Variants in ZNF608 observed in about 807,000 individuals in gnomAD.
ZNF608 encodes the protein renal carcinoma antigen NY-REN-36.
A neutral mutation model predicts 109.0 loss-of-function variants in ZNF608; 12 were observed. The observed-to-expected ratio is 0.11, with a 90% CI of 0.07 to 0.18. The LOEUF (loss-of-function observed/expected upper bound fraction) is 0.18. Ranked by LOEUF, ZNF608 falls within the 10% of genes least tolerant of loss-of-function variation. The pLI, the probability that ZNF608 is intolerant of heterozygous loss-of-function variation, is 1.00. For missense variants in ZNF608, 1,707 were observed against 1,879.3 expected, an observed-to-expected ratio of 0.91 and a Z score of 1.70; for synonymous variants, 732 against 717.4, an observed-to-expected ratio of 1.02 and a Z score of -0.33.
chr5:124,653,920 TGTGC>T (rs1314258205), intron 3 of ZNF608, among the ~76,000 whole-genome samples: 3 of 152,202 alleles, frequency 2.0e-5, no homozygotes, highest in Non-Finnish European at 4.4e-5. Context: ...CAGGACTTTG[TGTGC>T]GTGTGTGTGT....
intron 2 of ZNF608, among the ~76,000 whole-genome samples, chr5:124,722,670 A>T (rs1753980744): frequency 1.3e-5 from 2 of 151,910 alleles, no homozygotes; most frequent in South Asian, 4.2e-4. Flanking sequence ...GAGAAAGGGC[A>T]GGGAGGTGGG....
intron 2 of ZNF608, among the ~76,000 whole-genome samples, chr5:124,721,779 A>G (rs1191772854): frequency 2.0e-5 from 3 of 151,474 alleles, no homozygotes; most frequent in African/African-American, 7.3e-5. Flanking sequence ...CTACTTTAAA[A>G]ATACAAAAAT....
rs1750520733 is a variant in ZNF608 at position 124,646,658 on chromosome 5, G to C, written c.3705+21C>G. 3 of 1,598,430 alleles carry C rather than the reference G, an allele frequency of 1.9e-6. No individual in the cohort carries two copies. The East Asian group carries it at 6.7e-5, about 36-fold the overall frequency. On this transcript the variant is annotated intron_variant, in intron 5 of 9. Transcript: ENST00000513986. ...TCTCAGACTGCTCTCTCCCTGTTGG[G>C]GCCACGCTCCACAATCTTACTTGTT...
chr5:124,689,496 GAA>G (rs1752530113), intron 3 of ZNF608, among the ~76,000 whole-genome samples: 1 of 148,784 alleles, frequency 6.7e-6, no homozygotes, highest in African/African-American at 2.5e-5. Context: ...GACAGAGAGA[GAA>G]AGAACTGAAG....
At position 124,675,445 on chromosome 5, in the gene ZNF608, CA is replaced by C. The variant is rs141574742; in HGVS notation, c.1162+25568del. Among the ~76,000 whole-genome samples, 24 of 152,346 alleles carry C rather than the reference CA, an allele frequency of 1.6e-4. No homozygotes were observed. The East Asian group carries it at 4.2e-3, about 27-fold the overall frequency. Reference sequence around the variant, plus strand: ...ATTTACAAAAAACACTTTCAATCCACATTCCCTTCACAAACATTTAGGCTAG... The same window carrying C: ...ATTTACAAAAAACACTTTCAATCCACTTCCCTTCACAAACATTTAGGCTAG... On this transcript the variant is annotated intron_variant, in intron 3 of 9. Transcript: ENST00000513986.
intron 3 of ZNF608, among the ~76,000 whole-genome samples, chr5:124,662,393 G>A (rs907553761): frequency 6.6e-6 from 1 of 152,182 alleles, no homozygotes; most frequent in Non-Finnish European, 1.5e-5. Flanking sequence ...CTGACCCCAG[G>A]TGGCACATCA....
intron 8 of ZNF608, among the ~76,000 whole-genome samples, chr5:124,640,034 C>CT (rs1750166485): frequency 6.6e-6 from 1 of 152,022 alleles, no homozygotes; most frequent in Non-Finnish European, 1.5e-5. Context: ...GTTCTTATTA[C>CT]ACTCAATACA....
At chr5:124,663,657 C>T (rs764121429) in intron 3 of ZNF608, among the ~76,000 whole-genome samples, 95 of 152,314 alleles carry the variant, frequency 6.2e-4, no homozygotes, top group Non-Finnish European at 1.1e-3. Flanking sequence ...TTATTTAGTA[C>T]ATCTCAGCAT....
chr5:124,699,886 A>G (rs369663826), intron 3 of ZNF608, among the ~76,000 whole-genome samples: 1 of 152,140 alleles, frequency 6.6e-6, no homozygotes, highest in African/African-American at 2.4e-5. Context: ...CCACTCAGCC[A>G]CTTTTGAATA....
In ZNF608 at chr5:124,744,567, C is replaced by G. The variant is rs146906547; in HGVS notation, c.423G>C (p.Gly141=). The change falls in exon 2 of 10, where the codon GGG becomes GGC. Residue 141 remains glycine (G), a synonymous_variant. Transcript: ENST00000513986. The surrounding 1 kb of genome is among the most constrained non-coding windows in gnomAD (Gnocchi z 4.5). ...TCATGCCAGTTGCCTCTCCAGGGCGCCCTTGGACTTCCTGCCTCTTGCCAG... is the reference window on the plus strand; with the variant it reads ...TCATGCCAGTTGCCTCTCCAGGGCGGCCTTGGACTTCCTGCCTCTTGCCAG... ...SSTGKRQEVQ[G]RPGEATGMNS... The G allele has an allele frequency of 6.2e-7, 1 of 1,614,250 alleles. No individual in the cohort carries two copies. The highest frequency in any genetic ancestry group is 1.7e-5 in the Admixed American group (1 of 60,032).
intron 3 of ZNF608, among the ~76,000 whole-genome samples, chr5:124,671,886 C>T (rs892961221): frequency 1.3e-5 from 2 of 152,066 alleles, no homozygotes; most frequent in Non-Finnish European, 2.9e-5. Flanking sequence ...GATCCACCTG[C>T]GTCAGCTTCC....
intron 3 of ZNF608, among the ~76,000 whole-genome samples, chr5:124,690,827 A>AC (rs1752590179): frequency 6.6e-6 from 1 of 152,186 alleles, no homozygotes; most frequent in South Asian, 2.1e-4. Flanking sequence ...GAAACAATGA[A>AC]CAGAGTAAAA....
intron 3 of ZNF608, among the ~76,000 whole-genome samples, chr5:124,697,170 G>A (rs550997770): frequency 2.7e-5 from 4 of 150,404 alleles, no homozygotes; most frequent in East Asian, 1.9e-4. Flanking sequence ...AGTAAATAAC[G>A]GTCGGAATAA....
At chr5:124,692,148 A>G (rs915392981) in intron 3 of ZNF608, among the ~76,000 whole-genome samples, 1 of 152,242 alleles carries the variant, frequency 6.6e-6, no homozygotes, top group African/African-American at 2.4e-5. Flanking sequence ...TTACAATAAC[A>G]AGGTTGGAAG....
intron 3 of ZNF608, chr5:124,666,278 G>T (rs1264877362): frequency 1.3e-5 from 2 of 152,246 alleles, no homozygotes; most frequent in Non-Finnish European, 2.9e-5. Flanking sequence ...GTCAATAGTG[G>T]AAAATTCAGA....
rs1397521313 is a variant in ZNF608 at position 124,698,212 on chromosome 5, A to G, written c.1162+2802T>C. Among the ~76,000 whole-genome samples the G allele has an allele frequency of 2.0e-5, 3 of 152,318 alleles. No individual in the cohort carries two copies. The East Asian group carries it at 5.8e-4, about 29-fold the overall frequency. ...TTCTGTGTCTCTCTTTGTTTCTCCC[A>G]AAAGGAAAAAATTAATGGTCAAGTG... On this transcript the variant is annotated intron_variant, in intron 3 of 9. Coordinates refer to ENST00000513986, the MANE Select transcript of ZNF608 (RefSeq NM_020747.3).
At chr5:124,640,386 C>G (rs536289443) in intron 8 of ZNF608, among the ~76,000 whole-genome samples, 10 of 152,124 alleles carry the variant, frequency 6.6e-5, no homozygotes, top group South Asian at 2.1e-4. Flanking sequence ...AGAAAGCACA[C>G]GAGGGCTCCC....
rs778604559 is a variant in ZNF608 at position 124,648,144 on chromosome 5, G to A, written c.2240C>T (p.Pro747Leu). ...TGCAGTGGGTATAGCGATTAGCTGC[G>A]GGGGAGTGGGGGCTGGGGCAGGGGC... ...PIAPAPAPTP[P>L]QLIAIPTATF... Residue 747 changes from proline to leucine, a missense_variant, in exon 5 of 10, where the codon CCG becomes CTG. By Grantham distance (98) the Pro-to-Leu change is moderately conservative (BLOSUM62 -3). Coordinates refer to ENST00000513986, the MANE Select transcript of ZNF608 (RefSeq NM_020747.3). 17 of 1,613,684 alleles carry A rather than the reference G, an allele frequency of 1.1e-5. No homozygotes were observed. The highest frequency in any genetic ancestry group is 2.2e-5 in the East Asian group (1 of 44,894).
intron 3 of ZNF608, among the ~76,000 whole-genome samples, chr5:124,671,293 A>G (rs1166314623): frequency 6.6e-6 from 1 of 152,202 alleles, no homozygotes; most frequent in East Asian, 1.9e-4. Context: ...AGAAGCCCAG[A>G]AAGGTCTTTT....
Sources: allele counts gnomAD v4.1 joint callset (sites outside exome capture counted in the v4.1 genomes callset), GRCh38; gene constraint gnomAD v4.1.1; non-coding constraint Gnocchi (gnomAD v3.1); transcripts MANE v1.5; gene names NCBI Gene and HGNC (gene_info 2026-07-23, HGNC 2026-07-21).